DLG2: variants seen among roughly 807,000 people sequenced by gnomAD.
The protein encoded by DLG2 is discs large MAGUK scaffold protein 2.
Under a neutral mutation model 132.5 loss-of-function variants are expected in DLG2, and 45 were observed. That is an observed-to-expected ratio of 0.34 (90% confidence interval 0.27 to 0.44). The LOEUF is 0.44. Ranked by LOEUF, DLG2 falls within the 20% of genes least tolerant of loss-of-function variation. The pLI, the probability that DLG2 is intolerant of heterozygous loss-of-function variation, is 1.00. For missense variants in DLG2, 1,045 were observed against 1,196.9 expected, an observed-to-expected ratio of 0.87 and a Z score of 1.87; for synonymous variants, 424 against 419.6, an observed-to-expected ratio of 1.01 and a Z score of -0.13.
intron 3 of DLG2, among the ~76,000 whole-genome samples, chr11:85,402,825 T>C (rs2088287035): frequency 1.3e-5 from 2 of 152,092 alleles, no homozygotes; most frequent in African/African-American, 4.8e-5. Flanking sequence ...TGTCGATCAT[T>C]AAAAAGTCAG....
chr11:85,110,494 C>T (rs1413940754), intron 6 of DLG2, among the ~76,000 whole-genome samples: 2 of 152,004 alleles, frequency 1.3e-5, no homozygotes, highest in Non-Finnish European at 2.9e-5. Flanking sequence ...CATGCACTCT[C>T]CTCTGATCAT....
chr11:85,523,032 T>A (rs1431370575), intron 3 of DLG2, among the ~76,000 whole-genome samples: 1 of 152,224 alleles, frequency 6.6e-6, no homozygotes, highest in Non-Finnish European at 1.5e-5. Flanking sequence ...TCTGGCTTTG[T>A]GTCCCCACCC....
intron 7 of DLG2, among the ~76,000 whole-genome samples, chr11:84,398,361 T>G (rs901104125): frequency 2.6e-5 from 4 of 152,090 alleles, no homozygotes; most frequent in African/African-American, 9.7e-5. Context: ...AAGACGATAT[T>G]AGTAGTACTA....
chr11:84,193,228 A>C (rs1363207857), intron 8 of DLG2, among the ~76,000 whole-genome samples: 1 of 152,350 alleles, frequency 6.6e-6, no homozygotes, highest in African/African-American at 2.4e-5. Flanking sequence ...GAGCTTAGGA[A>C]GGGAACATTC....
chr11:85,106,410 T>C (rs1383055731), intron 6 of DLG2, among the ~76,000 whole-genome samples: 1 of 151,980 alleles, frequency 6.6e-6, no homozygotes, highest in Non-Finnish European at 1.5e-5. Flanking sequence ...AACTGCAAGA[T>C]TCTGCTTTCA....
chr11:85,590,257 A>C (rs1165669298), intron 3 of DLG2, among the ~76,000 whole-genome samples: 1 of 152,184 alleles, frequency 6.6e-6, no homozygotes, highest in Non-Finnish European at 1.5e-5. Context: ...CTGAATTAGA[A>C]CTGGTCCCTG....
intron 22 of DLG2, among the ~76,000 whole-genome samples, chr11:83,475,004 T>C (rs1296669341): frequency 6.6e-6 from 1 of 152,130 alleles, no homozygotes; most frequent in East Asian, 1.9e-4. Context: ...CACTTCTTGG[T>C]TTACTTTTCT....
chr11:83,618,391 G>A (rs1179856181), intron 19 of DLG2, among the ~76,000 whole-genome samples: 2 of 152,046 alleles, frequency 1.3e-5, no homozygotes, highest in Non-Finnish European at 2.9e-5. Flanking sequence ...TTATGTTTTG[G>A]TATCACGGTG....
intron 7 of DLG2, among the ~76,000 whole-genome samples, chr11:84,331,847 A>C (rs2098461176): frequency 6.6e-6 from 1 of 152,214 alleles, no homozygotes; most frequent in Non-Finnish European, 1.5e-5. Flanking sequence ...TAAGCCAATA[A>C]AACATAAATT....
At chr11:84,854,690 T>C (rs948058002) in intron 6 of DLG2, among the ~76,000 whole-genome samples, 2 of 152,022 alleles carry the variant, frequency 1.3e-5, no homozygotes, top group East Asian at 3.9e-4. Context: ...CATTCCTGTT[T>C]CCATGTCTGT....
chr11:83,532,005 TG>T (rs1434957613), intron 21 of DLG2, among the ~76,000 whole-genome samples: 1 of 151,812 alleles, frequency 6.6e-6, no homozygotes, highest in Non-Finnish European at 1.5e-5. Context: ...GGTGGGGAAA[TG>T]GGAGGTGACT....
chr11:84,076,744 A>C (rs544495781), intron 10 of DLG2, among the ~76,000 whole-genome samples: 1 of 152,320 alleles, frequency 6.6e-6, no homozygotes, highest in Admixed American at 6.5e-5. Context: ...CTCCAAATGT[A>C]ACACCACACT....
intron 6 of DLG2, among the ~76,000 whole-genome samples, chr11:84,953,440 C>T (rs905023662): frequency 6.6e-5 from 10 of 152,166 alleles, no homozygotes; most frequent in African/African-American, 2.4e-4. Context: ...CATCCATTCC[C>T]CACTGTGCCA....
intron 6 of DLG2, among the ~76,000 whole-genome samples, chr11:84,647,614 T>G (rs886442926): frequency 6.6e-6 from 1 of 152,222 alleles, no homozygotes; most frequent in African/African-American, 2.4e-5. Context: ...CACCTATAGA[T>G]AGTCAGGTAG....
chr11:84,233,560 T>G (rs2097122363), intron 8 of DLG2, among the ~76,000 whole-genome samples: 2 of 152,166 alleles, frequency 1.3e-5, no homozygotes, highest in African/African-American at 4.8e-5. Context: ...TAACATGGCA[T>G]AGCTCAGGCA....
intron 6 of DLG2, among the ~76,000 whole-genome samples, chr11:84,957,569 T>A (rs1325452304): frequency 2.9e-4 from 44 of 152,116 alleles, no homozygotes; most frequent in Admixed American, 2.8e-3. Flanking sequence ...CTCTTTGAAG[T>A]TTTCCTCACC....
At chr11:85,191,164 A>ACT (rs1411375137) in intron 4 of DLG2, among the ~76,000 whole-genome samples, 1 of 91,122 alleles carries the variant, frequency 1.1e-5, no homozygotes, top group Non-Finnish European at 2.4e-5. Context: ...GCACGCGCGC[A>ACT]CACACACACA....
intron 21 of DLG2, among the ~76,000 whole-genome samples, chr11:83,524,709 C>T (rs1317098588): frequency 6.6e-6 from 1 of 152,170 alleles, no homozygotes. Flanking sequence ...ACACTTGAAG[C>T]TTTGTACTTA....
chr11:85,166,272 C>G (rs890673561), intron 4 of DLG2, among the ~76,000 whole-genome samples: 2 of 152,134 alleles, frequency 1.3e-5, no homozygotes, highest in Non-Finnish European at 2.9e-5. Context: ...TCGCTTCTCT[C>G]ACTACTCACT....
Sources: allele counts gnomAD v4.1 joint callset (sites outside exome capture counted in the v4.1 genomes callset), GRCh38; gene constraint gnomAD v4.1.1; transcripts MANE v1.5; gene names NCBI Gene and HGNC (gene_info 2026-07-23, HGNC 2026-07-21).